DCBLD1: variants seen among roughly 807,000 people sequenced by gnomAD.
The protein encoded by DCBLD1 is discoidin, CUB and LCCL domain-containing protein 1.
Under a neutral mutation model 71.5 loss-of-function variants are expected in DCBLD1, and 57 were observed. The observed-to-expected ratio is 0.80, with a 90% CI of 0.64 to 0.99. The LOEUF (loss-of-function observed/expected upper bound fraction) is 0.99. Among genes scored for constraint, DCBLD1 ranks in the 50% least tolerant of loss-of-function variants. DCBLD1 has a pLI of 0.00. For synonymous variants in DCBLD1, 380 were observed against 363.8 expected, an observed-to-expected ratio of 1.04 and a Z score of -0.51; for missense variants, 891 against 923.5, an observed-to-expected ratio of 0.96 and a Z score of 0.46.
At chr6:117,521,643 A>G in intron 4 of DCBLD1, 67 bp downstream of exon 4, 1 of 1,336,592 alleles carries the variant, frequency 7.5e-7, no homozygotes, top group East Asian at 2.6e-5. Flanking sequence ...CTTTCACGTT[A>G]AACCAGATAC....
chr6:117,513,642 C>T (rs1778094908), intron 2 of DCBLD1, among the ~76,000 whole-genome samples: 1 of 152,162 alleles, frequency 6.6e-6, no homozygotes, highest in African/African-American at 2.4e-5. Flanking sequence ...AGTTAGGTGG[C>T]AAGTCCAAGT....
rs1027077670 is a variant in DCBLD1 at position 117,549,292 on chromosome 6, G to T, written c.*853G>T. On this transcript the variant is annotated 3_prime_UTR_variant, in exon 15 of 15. Coordinates refer to ENST00000338728, the MANE Select transcript of DCBLD1 (RefSeq NM_001366458.2). ...CTTTCTTCAGAAGTAGCACATTTTC[G>T]TGACTTCCGCTGTCCTCTGAAAAAC... The T allele has an allele frequency of 1.0e-5, 10 of 985,258 alleles. No homozygotes were observed. The highest frequency in any genetic ancestry group is 1.7e-5 in the African/African-American group (1 of 57,194). 61.0% of individuals were successfully genotyped at this position (985,258 alleles called of 1,614,324 possible). A position where few individuals can be genotyped will look rare whatever the true frequency, so the allele number is the denominator to read the frequency against.
rs1225524733 is a variant in DCBLD1, at chr6:117,482,776, G to A, written c.-6G>A. On this transcript the variant is annotated 5_prime_UTR_variant, in exon 1 of 15. Coordinates refer to ENST00000338728, the MANE Select transcript of DCBLD1 (RefSeq NM_001366458.2). Reference sequence around the variant, plus strand: ...CGAGCTTGCCAAGCTGGCGCCCAGCGGGGTCATGGTGCCCGGCGCCCGCGG... The same window carrying A: ...CGAGCTTGCCAAGCTGGCGCCCAGCAGGGTCATGGTGCCCGGCGCCCGCGG... 4 of 1,137,910 alleles carry A rather than the reference G, an allele frequency of 3.5e-6. No homozygotes were observed. Among genetic ancestry groups the A allele is most frequent in the Non-Finnish European group, 3.2e-6 (3 of 928,224 alleles). The allele number at this position is 1,137,910 out of a possible 1,614,324, so 70.5% of individuals were successfully genotyped here. A position where few individuals can be genotyped will look rare whatever the true frequency, so the allele number is the denominator to read the frequency against.
intron 6 of DCBLD1, among the ~76,000 whole-genome samples, chr6:117,536,267 G>A (rs1778878337): frequency 6.6e-6 from 1 of 152,038 alleles, no homozygotes; most frequent in African/African-American, 2.4e-5. Flanking sequence ...GGACACAACA[G>A]GGGCATCTAC....
chr6:117,490,083 T>G (rs1777234714), intron 1 of DCBLD1, among the ~76,000 whole-genome samples: 1 of 130,592 alleles, frequency 7.7e-6, no homozygotes, highest in South Asian at 2.6e-4. Flanking sequence ...CTATATATTT[T>G]TATGTAAATG....
chr6:117,554,080 C>T (rs901398851), downstream of DCBLD1, among the ~76,000 whole-genome samples: 1 of 152,182 alleles, frequency 6.6e-6, no homozygotes, highest in African/African-American at 2.4e-5. Flanking sequence ...TATATGCAGC[C>T]TTCCTGTTCG....
chr6:117,513,413 A>G (rs1351652666), intron 2 of DCBLD1, among the ~76,000 whole-genome samples: 3 of 152,176 alleles, frequency 2.0e-5, no homozygotes, highest in South Asian at 2.1e-4. Context: ...TCTGGTGCCA[A>G]ATGCCACAGT....
chr6:117,548,132 C>G lies in DCBLD1; in HGVS notation c.1841C>G (p.Thr614Arg). Residue 614 changes from threonine (T) to arginine (R), a missense_variant, in exon 15 of 15, where the codon ACG becomes AGG. Thr to Arg is a moderately conservative substitution (Grantham distance 71, BLOSUM62 -1). Coordinates refer to ENST00000338728, the MANE Select transcript of DCBLD1 (RefSeq NM_001366458.2). ...IVERHVLRAHTFSAQSGYRVP... is the reference protein window; with the variant it reads ...IVERHVLRAHRFSAQSGYRVP... The stretch of plus-strand genomic sequence containing the variant: ...GAGCGGCACGTGCTGCGCGCCCACA[C>G]GTTCTCTGCGCAGAGCGGCTACCGC... The G allele has an allele frequency of 1.3e-6, 2 of 1,549,980 alleles. No individual in the cohort carries two copies. Among genetic ancestry groups the G allele is most frequent in the Non-Finnish European group, 1.7e-6 (2 of 1,146,684 alleles).
intron 7 of DCBLD1, among the ~76,000 whole-genome samples, chr6:117,537,491 G>A (rs1006342873): frequency 1.1e-4 from 16 of 148,664 alleles, no homozygotes; most frequent in Non-Finnish European, 1.8e-4. Flanking sequence ...CTGAGATTGC[G>A]CCACTGCACT....
chr6:117,544,849 G>T (rs1779213372), intron 13 of DCBLD1, among the ~76,000 whole-genome samples: 1 of 151,806 alleles, frequency 6.6e-6, no homozygotes, highest in Non-Finnish European at 1.5e-5. Context: ...GACACTGTCT[G>T]CCATCAAGGA....
chr6:117,498,492 C>G (rs1348354348), intron 1 of DCBLD1, among the ~76,000 whole-genome samples: 1 of 152,184 alleles, frequency 6.6e-6, no homozygotes, highest in Admixed American at 6.5e-5. Context: ...TCCTCCTCCC[C>G]TCTTCATTCC....
At chr6:117,566,944 G>C (rs752384664) in intron 14 of DCBLD1, 1 of 1,611,596 alleles carries the variant, frequency 6.2e-7, no homozygotes, top group East Asian at 2.2e-5. Flanking sequence ...AAACGGTAAC[G>C]ATGTCCACTC....
At chr6:117,544,464 T>C (rs901653168) in intron 12 of DCBLD1, 64 bp from the exon 13 acceptor site, 2 of 1,527,226 alleles carry the variant, frequency 1.3e-6, no homozygotes, top group Non-Finnish European at 1.8e-6. Context: ...CCTTATGTTA[T>C]ATAGGGAGAG....
At chr6:117,522,450 C>A (rs1274971793) in intron 4 of DCBLD1, among the ~76,000 whole-genome samples, 2 of 148,490 alleles carry the variant, frequency 1.3e-5, no homozygotes, top group African/African-American at 4.9e-5. Flanking sequence ...TTTTTTTTTT[C>A]TCTTTTTATG....
chr6:117,533,755 A>G (rs1225064613), intron 6 of DCBLD1, among the ~76,000 whole-genome samples: 1 of 152,218 alleles, frequency 6.6e-6, no homozygotes. Context: ...TTACAGGGTT[A>G]GAGTCAAGAC....
intron 14 of DCBLD1, among the ~76,000 whole-genome samples, chr6:117,557,533 C>T (rs570109638): frequency 2.0e-5 from 3 of 152,262 alleles, no homozygotes; most frequent in Non-Finnish European, 4.4e-5. Context: ...CTTTGGGAGG[C>T]GGATGGATCA....
intron 2 of DCBLD1, among the ~76,000 whole-genome samples, chr6:117,508,755 A>C (rs1777919119): frequency 6.6e-6 from 1 of 152,164 alleles, no homozygotes. Context: ...GGTGACCTCC[A>C]CACTGGATGG....
intron 2 of DCBLD1, chr6:117,508,019 T>C (rs893979266): frequency 1.1e-4 from 16 of 152,366 alleles, no homozygotes; most frequent in African/African-American, 3.6e-4. Context: ...TTTTAGGTTA[T>C]TTCAAGCTGA....
chr6:117,493,806 C>T (rs75911582), intron 1 of DCBLD1, among the ~76,000 whole-genome samples: 4,646 of 152,200 alleles, frequency 0.031, 83 homozygotes, highest in Non-Finnish European at 0.038. Flanking sequence ...GCCTTGACTC[C>T]TTCACACACA....
Sources: allele counts gnomAD v4.1 joint callset (sites outside exome capture counted in the v4.1 genomes callset), GRCh38; gene constraint gnomAD v4.1.1; transcripts MANE v1.5; gene names NCBI Gene and HGNC (gene_info 2026-07-23, HGNC 2026-07-21).